Variants in ZDHHC15 observed in about 807,000 individuals in gnomAD.
ZDHHC15 encodes the protein zDHHC palmitoyltransferase 15.
In ZDHHC15, 19 loss-of-function variants were observed where a neutral mutation model predicts 31.7. The observed-to-expected ratio is 0.60, with a 90% CI of 0.42 to 0.88. ZDHHC15 has a LOEUF of 0.88. ZDHHC15 is among the 40% of genes least tolerant of loss of function. The probability of loss-of-function intolerance (pLI) is 0.00; values close to 1 mark genes in which losing one functional copy is unlikely to be tolerated. For synonymous variants in ZDHHC15, 103 were observed against 90.0 expected (o/e 1.14, Z -0.82); for missense variants, 209 against 251.2 (o/e 0.83, Z 1.14).
At chrX:75,447,006 T>C (rs2084042636) in intron 4 of ZDHHC15, among the ~76,000 whole-genome samples, 1 of 112,093 alleles carries the variant, frequency 8.9e-6, no homozygotes, top group Non-Finnish European at 1.9e-5. Context: ...GTCAGCCTCT[T>C]TCCCTACCCA....
chrX:75,377,433 T>G, intron 11 of ZDHHC15, among the ~76,000 whole-genome samples: 1 of 108,755 alleles, frequency 9.2e-6, no homozygotes, highest in East Asian at 2.9e-4. Flanking sequence ...GAGGTGGAGG[T>G]TGCAGTGAGC....
At chrX:75,435,196 C>T (rs147455139) in intron 4 of ZDHHC15, among the ~76,000 whole-genome samples, 7 of 111,824 alleles carry the variant, frequency 6.3e-5, no homozygotes, top group Non-Finnish European at 9.4e-5. Context: ...AATTTTGTAA[C>T]GTGAAATTTT....
At chrX:75,486,431 G>A (rs2084778717) in intron 2 of ZDHHC15, among the ~76,000 whole-genome samples, 1 of 112,194 alleles carries the variant, frequency 8.9e-6, no homozygotes, top group Non-Finnish European at 1.9e-5. Flanking sequence ...AATTTCAACT[G>A]AGCATAAATT....
At chrX:75,413,786 A>G (rs756500141) in intron 10 of ZDHHC15, among the ~76,000 whole-genome samples, 2 of 111,407 alleles carry the variant, frequency 1.8e-5, no homozygotes, top group Admixed American at 9.5e-5. Flanking sequence ...TGTACAAGAA[A>G]TATTAAGGAA....
At chrX:75,491,724 T>C (rs1044793376) in intron 2 of ZDHHC15, among the ~76,000 whole-genome samples, 1 of 111,163 alleles carries the variant, frequency 9.0e-6, no homozygotes, top group Non-Finnish European at 1.9e-5. Context: ...TAAAATCCTT[T>C]ACAGACAAGC....
chrX:75,503,547 G>A (rs1423342745), intron 2 of ZDHHC15, among the ~76,000 whole-genome samples: 1 of 111,052 alleles, frequency 9.0e-6, no homozygotes, highest in East Asian at 2.8e-4. Context: ...AAATAACCAT[G>A]AAAGATCACA....
chrX:75,517,529 T>C (rs2085376915), intron 1 of ZDHHC15, among the ~76,000 whole-genome samples: 1 of 92,091 alleles, frequency 1.1e-5, no homozygotes, highest in Non-Finnish European at 2.0e-5. Context: ...TAGGTGCGAA[T>C]TGAACAATGA....
chrX:75,374,450 A>G (rs1162195853), intron 11 of ZDHHC15, among the ~76,000 whole-genome samples: 1 of 109,678 alleles, frequency 9.1e-6, no homozygotes, highest in Non-Finnish European at 1.9e-5. Flanking sequence ...GTGAGCATCT[A>G]CCACACACAG....
At chrX:75,397,649 C>G (rs1392218850) in intron 10 of ZDHHC15, among the ~76,000 whole-genome samples, 2 of 111,487 alleles carry the variant, frequency 1.8e-5, no homozygotes, top group African/African-American at 3.3e-5. Flanking sequence ...TTGTGTGGCT[C>G]TCATGAAGAG....
chrX:75,429,957 T>C lies in ZDHHC15; in HGVS notation c.473A>G (p.His158Arg), dbSNP rs1042821596. The change falls in exon 6 of 12, where the codon CAC becomes CGC. Residue 158 changes from histidine to arginine, a missense_variant. Physicochemically the swap from His to Arg is conservative, Grantham distance 29. Transcript: ENST00000373367. ...AATCAAACAGACATACCAAGGGCAG[T>C]GATGATCCATTTTTAACACACACCT... Reference protein sequence around the residue: ...CAMCVLKMDHHCPWVNNCIGF... With the variant: ...CAMCVLKMDHRCPWVNNCIGF... 7 of 1,207,812 alleles carry C rather than the reference T, an allele frequency of 5.8e-6. No individual in the cohort carries two copies. The highest frequency in any genetic ancestry group is 7.8e-6 in the Non-Finnish European group (7 of 894,195).
chrX:75,386,728 C>T (rs765816538), intron 10 of ZDHHC15, among the ~76,000 whole-genome samples: 1 of 112,531 alleles, frequency 8.9e-6, no homozygotes, highest in Non-Finnish European at 1.9e-5. Flanking sequence ...CTGCCAGCCT[C>T]AGTCTCCCAC....
chrX:75,376,382 C>T (rs753768448), intron 11 of ZDHHC15, among the ~76,000 whole-genome samples: 8 of 109,004 alleles, frequency 7.3e-5, no homozygotes, highest in African/African-American at 9.9e-5. Flanking sequence ...ATTTCTTTTG[C>T]TGTGCAGAAG....
At chrX:75,376,848 T>G (rs1318256411) in intron 11 of ZDHHC15, among the ~76,000 whole-genome samples, 3 of 111,788 alleles carry the variant, frequency 2.7e-5, no homozygotes. Flanking sequence ...AGTACATTTT[T>G]GGGGTAAAAA....
At chrX:75,397,030 A>AC (rs1182457130) in intron 10 of ZDHHC15, among the ~76,000 whole-genome samples, 1 of 111,241 alleles carries the variant, frequency 9.0e-6, no homozygotes, top group African/African-American at 3.3e-5. Context: ...GATGGTTAAC[A>AC]CTTATAAAAA....
At chrX:75,449,283 C>T (rs189355192) in intron 4 of ZDHHC15, among the ~76,000 whole-genome samples, 1 of 108,151 alleles carries the variant, frequency 9.2e-6, no homozygotes, top group South Asian at 4.1e-4. Flanking sequence ...ATCTGGAGAA[C>T]GCTGACTAAC....
chrX:75,514,570 A>T (rs1305791702), intron 1 of ZDHHC15, among the ~76,000 whole-genome samples: 1 of 111,663 alleles, frequency 9.0e-6, no homozygotes, highest in African/African-American at 3.3e-5. Context: ...ATGGAGTGTG[A>T]GCCGAAGCGG....
At chrX:75,459,857 G>A (rs1224343949) in intron 3 of ZDHHC15, among the ~76,000 whole-genome samples, 1 of 112,563 alleles carries the variant, frequency 8.9e-6, no homozygotes, top group Non-Finnish European at 1.9e-5. Context: ...GGCAGATCAT[G>A]GCCAGACTGC....
chrX:75,502,226 A>G (rs192456168), intron 2 of ZDHHC15: 15 of 111,682 alleles, frequency 1.3e-4, no homozygotes, highest in African/African-American at 4.9e-4. Context: ...GTGTCTTCAC[A>G]TGGTCTTCCT....
At chrX:75,519,418 T>C (rs2085414102) in intron 1 of ZDHHC15, among the ~76,000 whole-genome samples, 2 of 111,218 alleles carry the variant, frequency 1.8e-5, no homozygotes, top group African/African-American at 6.5e-5. Context: ...ATATACTGAG[T>C]GCTAAGCAAC....
Sources: gnomAD v4.1 joint callset for allele counts (sites outside exome capture counted in the v4.1 genomes callset) on GRCh38, gnomAD v4.1.1 for gene constraint, MANE v1.5 for transcripts, NCBI Gene and HGNC (gene_info 2026-07-23, HGNC 2026-07-21) for gene names.